VAMP7: variants seen among roughly 807,000 people sequenced by gnomAD.
VAMP7 encodes the protein vesicle-associated membrane protein 7.
VAMP7 carries 14 observed loss-of-function variants against 29.6 expected under a neutral mutation model. That is an observed-to-expected ratio of 0.47 (90% CI 0.31 to 0.74). The LOEUF is 0.74. Among genes scored for constraint, VAMP7 ranks in the 30% least tolerant of loss-of-function variants. The pLI is 0.05. For missense variants in VAMP7, 223 were observed against 262.4 expected, an observed-to-expected ratio of 0.85 and a Z score of 1.04; for synonymous variants, 95 against 88.1, an observed-to-expected ratio of 1.08 and a Z score of -0.44.
chrX:155,912,295 T>C (rs949128728), intron 5 of VAMP7, among the ~76,000 whole-genome samples: 2 of 152,178 alleles, frequency 1.3e-5, no homozygotes, highest in African/African-American at 4.8e-5. Context: ...ATCATACTGC[T>C]AAAATTATGG....
At chrX:155,895,578 A>T in intron 2 of VAMP7, 45 bp from the exon 3 acceptor site, 1 of 1,419,384 alleles carries the variant, frequency 7.0e-7, no homozygotes, top group Non-Finnish European at 9.9e-7. Context: ...AGTAAAAGTG[A>T]TGTTGCTTAT....
At chrX:155,941,833 AAT>A in intron 7 of VAMP7, 48 bp from the exon 8 acceptor site, 1 of 1,582,480 alleles carries the variant, frequency 6.3e-7, no homozygotes, top group South Asian at 1.1e-5. Context: ...TATTATTTAG[AAT>A]AATATGATTG....
intron 1 of VAMP7, among the ~76,000 whole-genome samples, chrX:155,884,203 C>T (rs1451094089): frequency 6.6e-6 from 1 of 151,884 alleles, no homozygotes; most frequent in African/African-American, 2.4e-5. Context: ...TCTTGGCTCA[C>T]CTCAGCCTCC....
At chrX:155,937,623 A>G (rs185553238) in intron 6 of VAMP7, among the ~76,000 whole-genome samples, 12 of 152,326 alleles carry the variant, frequency 7.9e-5, no homozygotes, top group Admixed American at 4.6e-4. Context: ...AAATGTTACT[A>G]AAAGTGTAAC....
In VAMP7 at chrX:155,889,546, A is replaced by T. The variant is rs774375452; in HGVS notation, c.80A>T (p.Glu27Val). The change falls in exon 2 of 8, where the codon GAG becomes GTG. Residue 27 changes from glutamate (E) to valine (V), a missense_variant. Transcript: ENST00000286448. ...KHAWCGGNFL[E>V]VTEQILAKIP... is the part of the protein sequence containing the mutation. ...GCTTGGTGTGGAGGAAACTTCCTGG[A>T]GGTGACAGAGCAGATTCTGGCTAAG... 6.2e-7 allele frequency: 1 copy of T among 1,613,882 alleles called. No individual in the cohort carries two copies. Among genetic ancestry groups the T allele is most frequent in the Non-Finnish European group, 8.5e-7 (1 of 1,179,848 alleles).
chrX:155,930,599 A>G (rs1411114862), intron 6 of VAMP7, among the ~76,000 whole-genome samples: 1 of 151,734 alleles, frequency 6.6e-6, no homozygotes, highest in African/African-American at 2.4e-5. Flanking sequence ...GCAGAGAGCT[A>G]TGATCACACC....
intron 6 of VAMP7, among the ~76,000 whole-genome samples, chrX:155,938,370 AGTT>A (rs2066693586): frequency 6.6e-6 from 1 of 152,192 alleles, no homozygotes; most frequent in Admixed American, 6.5e-5. Context: ...TGCCCCTGTC[AGTT>A]GTTCTACTGC....
At chrX:155,920,051 AAAG>A (rs1459852209) in intron 6 of VAMP7, among the ~76,000 whole-genome samples, 171 bp downstream of exon 6, 1 of 152,212 alleles carries the variant, frequency 6.6e-6, no homozygotes, top group Non-Finnish European at 1.5e-5. Context: ...GAGGCATAGA[AAAG>A]AAACATCATC....
chrX:155,908,052 A>G (rs1380847964), intron 5 of VAMP7, among the ~76,000 whole-genome samples: 7 of 151,164 alleles, frequency 4.6e-5, no homozygotes, highest in African/African-American at 1.7e-4. Context: ...GCGGCCGGGC[A>G]GAGACGCTCC....
At chrX:155,892,999 C>T (rs1156657235) in intron 2 of VAMP7, among the ~76,000 whole-genome samples, 2 of 152,040 alleles carry the variant, frequency 1.3e-5, no homozygotes, top group East Asian at 1.9e-4. Flanking sequence ...GCAATCCGCC[C>T]GCCTCGGCCT....
chrX:155,936,260 CT>C (rs1277794660), intron 6 of VAMP7, among the ~76,000 whole-genome samples: 2 of 152,180 alleles, frequency 1.3e-5, no homozygotes, highest in Non-Finnish European at 2.9e-5. Context: ...GCAGAGGTTT[CT>C]GCTGCCTTTT....
intron 1 of VAMP7, among the ~76,000 whole-genome samples, chrX:155,884,278 C>T (rs2065840539): frequency 6.6e-6 from 1 of 152,008 alleles, no homozygotes; most frequent in Non-Finnish European, 1.5e-5. Context: ...CAGGCGTGCG[C>T]CACCACGCCT....
intron 6 of VAMP7, among the ~76,000 whole-genome samples, chrX:155,938,496 A>G (rs1325438674): frequency 6.6e-6 from 1 of 152,224 alleles, no homozygotes; most frequent in Non-Finnish European, 1.5e-5. Context: ...GTAAGCATAC[A>G]ACTTGTTGTG....
At chrX:155,939,359 G>A (rs2066709763) in intron 6 of VAMP7, among the ~76,000 whole-genome samples, 1 of 152,182 alleles carries the variant, frequency 6.6e-6, no homozygotes, top group Non-Finnish European at 1.5e-5. Context: ...GAATGTGCTT[G>A]CAGTCAGCTG....
intron 6 of VAMP7, among the ~76,000 whole-genome samples, chrX:155,924,612 A>G (rs1383231982): frequency 6.6e-6 from 1 of 152,148 alleles, no homozygotes; most frequent in Non-Finnish European, 1.5e-5. Context: ...AAAAATGCTA[A>G]CAATCACCTG....
intron 1 of VAMP7, among the ~76,000 whole-genome samples, chrX:155,884,316 G>A (rs1276157879): frequency 1.3e-4 from 19 of 151,718 alleles, no homozygotes; most frequent in African/African-American, 4.6e-4. Context: ...TAGTAGAAAC[G>A]GGGTTTCTCC....
rs1440533068 is a variant in VAMP7, at chrX:155,898,058, C to G, written c.205-54C>G. The G allele has an allele frequency of 2.5e-6, 4 of 1,587,898 alleles. No homozygotes were observed. In the African/African-American group the frequency reaches 5.4e-5, roughly 22 times the overall value. On this transcript the variant is annotated intron_variant, in intron 3 of 7. Transcript: ENST00000286448. ...TTTTTTATTGTTGTTCTTAATCACT[C>G]ACATCATCTTTGTTTACTTTCTAAA... is the stretch of plus-strand genomic sequence containing the variant.
In VAMP7 at chrX:155,898,131, C is replaced by A. The variant is rs1221292959; in HGVS notation, c.224C>A (p.Ala75Asp). Residue 75 changes from alanine (A) to aspartate (D), a missense_variant, in exon 4 of 8, where the codon GCC becomes GAC. Physicochemically the swap from Ala to Asp is moderately radical, Grantham distance 126 (BLOSUM62 -2). Coordinates refer to ENST00000286448, the MANE Select transcript of VAMP7 (RefSeq NM_005638.6). ...ITDDDFERSRAFNFLNEIKKR... is the reference protein window; with the variant it reads ...ITDDDFERSRDFNFLNEIKKR... ...TTTCAGGATTTTGAACGTTCCCGAG[C>A]CTTTAATTTTCTGAATGAGATAAAG... 1.9e-6 allele frequency: 3 copies of A among 1,613,274 alleles called. No homozygotes were observed. Among genetic ancestry groups the A allele is most frequent in the East Asian group, 4.5e-5 (2 of 44,858 alleles).
intron 5 of VAMP7, among the ~76,000 whole-genome samples, chrX:155,902,982 G>T (rs1032332985): frequency 2.3e-4 from 35 of 151,786 alleles, no homozygotes; most frequent in Admixed American, 7.2e-4. Context: ...GAATTCTGCT[G>T]TGAATCCATC....
Sources: gnomAD v4.1 joint callset for allele counts (sites outside exome capture counted in the v4.1 genomes callset) on GRCh38, gnomAD v4.1.1 for gene constraint, MANE v1.5 for transcripts, NCBI Gene and HGNC (gene_info 2026-07-23, HGNC 2026-07-21) for gene names.